The following RPS6KC1 variants were observed in gnomAD, a reference collection of about 807,000 sequenced individuals.
RPS6KC1 encodes the protein inactive ribosomal protein S6 kinase delta-1.
Under a neutral mutation model 103.8 loss-of-function variants are expected in RPS6KC1, and 54 were observed. That is an observed-to-expected ratio of 0.52 (90% confidence interval 0.42 to 0.65). The LOEUF (loss-of-function observed/expected upper bound fraction) is 0.65, where lower values mean the gene tolerates loss of function less well. RPS6KC1 is among the 30% of genes least tolerant of loss of function. RPS6KC1 has a pLI of 0.00. For missense variants in RPS6KC1, 1,151 were observed against 1,253.8 expected, an observed-to-expected ratio of 0.92 and a Z score of 1.24; for synonymous variants, 439 against 438.7, an observed-to-expected ratio of 1.00 and a Z score of -0.01.
chr1:213,774,392 C>T, the RPS6KC1 span, among the ~76,000 whole-genome samples: 3 of 152,138 alleles, frequency 2.0e-5, no homozygotes, highest in Admixed American at 6.5e-5. Flanking sequence ...CCTCATCCAC[C>T]CTTCTAGTCA....
the RPS6KC1 span, among the ~76,000 whole-genome samples, chr1:213,673,125 T>A: frequency 2.2e-4 from 33 of 152,290 alleles, no homozygotes; most frequent in Non-Finnish European, 4.1e-4. Flanking sequence ...ATTTAGAGCC[T>A]CTGAGCAGGG....
chr1:213,158,468 T>A (rs1241959240), intron 6 of RPS6KC1, among the ~76,000 whole-genome samples: 1 of 152,228 alleles, frequency 6.6e-6, no homozygotes, highest in Admixed American at 6.5e-5. Flanking sequence ...TAAGTTGTTA[T>A]AATACTTTCC....
the RPS6KC1 span, among the ~76,000 whole-genome samples, chr1:213,580,978 T>C: frequency 0.034 from 5,244 of 152,150 alleles, 309 homozygotes; most frequent in East Asian, 0.27. Context: ...TACAGGAAGA[T>C]GTACATAGGT....
At chr1:213,844,596 G>A in the RPS6KC1 span, among the ~76,000 whole-genome samples, 3 of 152,044 alleles carry the variant, frequency 2.0e-5, no homozygotes, top group East Asian at 1.9e-4. Flanking sequence ...CCCTGATATG[G>A]TCTTCCCAAA....
intron 6 of RPS6KC1, among the ~76,000 whole-genome samples, chr1:213,146,451 C>G (rs1209219281): frequency 7.0e-6 from 1 of 143,372 alleles, no homozygotes; most frequent in Non-Finnish European, 1.5e-5. Flanking sequence ...GAGACAGAGT[C>G]TTGCTTTGTC....
chr1:213,321,646 C>T, the RPS6KC1 span, among the ~76,000 whole-genome samples: 2 of 152,150 alleles, frequency 1.3e-5, no homozygotes, highest in Admixed American at 6.5e-5. Flanking sequence ...AGACAAAAAT[C>T]CTGGTCCTAA....
chr1:213,809,691 ATTTG>A, the RPS6KC1 span, among the ~76,000 whole-genome samples: 31 of 152,260 alleles, frequency 2.0e-4, no homozygotes, highest in African/African-American at 6.7e-4. Flanking sequence ...TAACCTTTTC[ATTTG>A]TTTGCATTAT....
At chr1:213,465,378 A>G in the RPS6KC1 span, among the ~76,000 whole-genome samples, 1 of 152,172 alleles carries the variant, frequency 6.6e-6, no homozygotes, top group African/African-American at 2.4e-5. Context: ...GAGAGTTTCT[A>G]TACCTGGAAG....
At chr1:213,670,055 G>A in the RPS6KC1 span, among the ~76,000 whole-genome samples, 1 of 152,142 alleles carries the variant, frequency 6.6e-6, no homozygotes, top group African/African-American at 2.4e-5. Flanking sequence ...AACTTTTTAT[G>A]GGTTTTAGTT....
the RPS6KC1 span, among the ~76,000 whole-genome samples, chr1:213,573,564 C>T: frequency 6.6e-6 from 1 of 152,208 alleles, no homozygotes; most frequent in East Asian, 1.9e-4. Context: ...AAAACAGCCT[C>T]ATCGGTTTGT....
the RPS6KC1 span, among the ~76,000 whole-genome samples, chr1:213,299,657 T>C: frequency 6.6e-6 from 1 of 151,818 alleles, no homozygotes; most frequent in African/African-American, 2.4e-5. Flanking sequence ...TTTAATAATA[T>C]ATTTTATTTA....
intron 2 of RPS6KC1, among the ~76,000 whole-genome samples, chr1:213,073,761 G>A (rs1173075067): frequency 1.3e-5 from 2 of 151,754 alleles, no homozygotes; most frequent in Non-Finnish European, 2.9e-5. Context: ...CTGCAACCTC[G>A]GCCTCCCGGG....
At chr1:213,055,267 C>G (rs765467697) in intron 1 of RPS6KC1, among the ~76,000 whole-genome samples, 1 of 152,072 alleles carries the variant, frequency 6.6e-6, no homozygotes, top group Non-Finnish European at 1.5e-5. Context: ...CTTTCTGTCA[C>G]TATAGATTGG....
chr1:213,850,077 A>G, the RPS6KC1 span, among the ~76,000 whole-genome samples: 2 of 152,138 alleles, frequency 1.3e-5, no homozygotes, highest in Non-Finnish European at 2.9e-5. Flanking sequence ...TCCAATAGTA[A>G]CATTTCTTAT....
At chr1:213,443,785 G>A in the RPS6KC1 span, among the ~76,000 whole-genome samples, 1 of 152,114 alleles carries the variant, frequency 6.6e-6, no homozygotes, top group Non-Finnish European at 1.5e-5. Flanking sequence ...AGGTGTGGTG[G>A]TGCATGCCTA....
At chr1:213,146,138 C>T (rs1334009425) in intron 6 of RPS6KC1, among the ~76,000 whole-genome samples, 1 of 148,718 alleles carries the variant, frequency 6.7e-6, no homozygotes, top group Non-Finnish European at 1.5e-5. Context: ...TGAGAACATG[C>T]AATGTTTGTC....
chr1:213,500,723 C>T, the RPS6KC1 span, among the ~76,000 whole-genome samples: 25 of 152,206 alleles, frequency 1.6e-4, 1 homozygote, highest in Admixed American at 1.2e-3. Flanking sequence ...TATATGTGAT[C>T]CTTTGTTGAC....
the RPS6KC1 span, among the ~76,000 whole-genome samples, chr1:213,358,401 AT>A: frequency 6.6e-6 from 1 of 151,962 alleles, no homozygotes; most frequent in Admixed American, 6.6e-5. Context: ...TTTCTTCTAG[AT>A]TTTCTAGTTT....
At chr1:213,688,924 A>G in the RPS6KC1 span, among the ~76,000 whole-genome samples, 1 of 152,242 alleles carries the variant, frequency 6.6e-6, no homozygotes, top group Non-Finnish European at 1.5e-5. Context: ...CCCCAGGACT[A>G]TAGTCTACTT....
Sources: gnomAD v4.1 joint callset for allele counts (sites outside exome capture counted in the v4.1 genomes callset) on GRCh38, gnomAD v4.1.1 for gene constraint, MANE v1.5 for transcripts, NCBI Gene and HGNC (gene_info 2026-07-23, HGNC 2026-07-21) for gene names.